The following TSHR variants were observed in gnomAD, a reference collection of about 807,000 sequenced individuals.
TSHR encodes thyroid stimulating hormone receptor, also known as thyrotropin receptor.
Under a neutral mutation model 64.1 loss-of-function variants are expected in TSHR, and 51 were observed. The ratio of observed to expected loss-of-function variants is 0.80; its 90% CI spans 0.64 to 1.01. TSHR has a LOEUF of 1.01. Ranked by LOEUF, TSHR falls within the 50% of genes least tolerant of loss-of-function variation. The pLI, the probability that TSHR is intolerant of heterozygous loss-of-function variation, is 0.00. For synonymous variants in TSHR, 361 were observed against 361.9 expected, an observed-to-expected ratio of 1.00 and a Z score of 0.03; for missense variants, 877 against 942.8, an observed-to-expected ratio of 0.93 and a Z score of 0.91.
At chr14:80,982,286 C>T (rs1401831199) in intron 1 of TSHR, 2 of 857,966 alleles carry the variant, frequency 2.3e-6, no homozygotes, top group South Asian at 2.0e-5. Flanking sequence ...ACCAGCTCCA[C>T]ATGTAAAAAT....
At chr14:81,076,503 T>C (rs143216676) in intron 3 of TSHR, among the ~76,000 whole-genome samples, 60 of 152,280 alleles carry the variant, frequency 3.9e-4, no homozygotes, top group African/African-American at 1.4e-3. Context: ...ACGTTTTATA[T>C]CCAAAACTGA....
intron 8 of TSHR, among the ~76,000 whole-genome samples, chr14:81,113,690 T>C (rs1222308896): frequency 6.7e-6 from 1 of 150,364 alleles, no homozygotes; most frequent in Non-Finnish European, 1.5e-5. Flanking sequence ...AAATGATGAA[T>C]GTCTTCAAAA....
intron 8 of TSHR, among the ~76,000 whole-genome samples, chr14:81,125,719 T>C (rs2140074895): frequency 6.6e-6 from 1 of 152,208 alleles, no homozygotes; most frequent in South Asian, 2.1e-4. Context: ...GCTTGCATGC[T>C]AGGCTGCCCT....
chr14:80,967,207 T>C (rs1887364551), intron 1 of TSHR, among the ~76,000 whole-genome samples: 1 of 146,346 alleles, frequency 6.8e-6, no homozygotes, highest in African/African-American at 2.5e-5. Flanking sequence ...TATATATATA[T>C]GCTTATTTTT....
chr14:81,020,298 T>G (rs962112408), intron 1 of TSHR, among the ~76,000 whole-genome samples: 1 of 152,202 alleles, frequency 6.6e-6, no homozygotes, highest in Admixed American at 6.5e-5. Context: ...CCTGGGGCCA[T>G]GAACCAGTAC....
At chr14:81,131,135 T>C (rs1251550340) in intron 8 of TSHR, among the ~76,000 whole-genome samples, 1 of 151,952 alleles carries the variant, frequency 6.6e-6, no homozygotes, top group Non-Finnish European at 1.5e-5. Flanking sequence ...GCCTTCCCCA[T>C]CTCAGGAAAT....
intron 1 of TSHR, among the ~76,000 whole-genome samples, chr14:80,962,690 A>T (rs1887096651): frequency 6.6e-6 from 1 of 152,236 alleles, no homozygotes; most frequent in Non-Finnish European, 1.5e-5. Flanking sequence ...CACCAACTAG[A>T]CATATTTATA....
Position 80,970,340 on chromosome 14 carries a change from T to G in TSHR, c.170+14490T>G, listed in dbSNP as rs1457535968. ...CTCACCTTATTTTATGTAGTAGAACTGGCAATACCCAATTCACAATGGGCA... is the reference window on the plus strand; with the variant it reads ...CTCACCTTATTTTATGTAGTAGAACGGGCAATACCCAATTCACAATGGGCA... On this transcript the variant is annotated intron_variant, in intron 1 of 9. Transcript: ENST00000298171. 2.6e-5 allele frequency among the ~76,000 whole-genome samples: 4 copies of G among 152,254 alleles called. No homozygotes were observed. In the East Asian group the frequency reaches 7.7e-4, roughly 29 times the overall value.
At chr14:81,022,055 G>A (rs1883783904) in intron 1 of TSHR, among the ~76,000 whole-genome samples, 1 of 140,412 alleles carries the variant, frequency 7.1e-6, no homozygotes, top group African/African-American at 2.7e-5. Flanking sequence ...GAGGTCAGGA[G>A]ATCAAAACCA....
intron 1 of TSHR, among the ~76,000 whole-genome samples, chr14:80,988,158 A>C (rs1566750814): frequency 6.6e-6 from 1 of 152,204 alleles, no homozygotes; most frequent in Non-Finnish European, 1.5e-5. Flanking sequence ...TTGGGTAAAA[A>C]TTTAAACAAT....
intron 1 of TSHR, among the ~76,000 whole-genome samples, chr14:80,987,878 T>C (rs1380024474): frequency 6.6e-6 from 1 of 152,212 alleles, no homozygotes; most frequent in Non-Finnish European, 1.5e-5. Context: ...ATGAAAATAT[T>C]GCCCTTCCCT....
intron 8 of TSHR, among the ~76,000 whole-genome samples, chr14:81,125,548 A>G (rs1423796632): frequency 1.3e-5 from 2 of 152,096 alleles, no homozygotes; most frequent in African/African-American, 4.8e-5. Context: ...CCTCCTGGCA[A>G]TTTGACAGGG....
chr14:80,982,584 T>A, intron 1 of TSHR: 1 of 988,544 alleles, frequency 1.0e-6, no homozygotes. Flanking sequence ...TAGTTAGATC[T>A]CAGCCTGTGG....
chr14:81,110,082 G>A (rs7160596), intron 8 of TSHR, among the ~76,000 whole-genome samples: 96,694 of 152,068 alleles, frequency 0.64, 31,132 homozygotes, highest in South Asian at 0.73. Flanking sequence ...CACATATTAT[G>A]CGATTTTCCT....
chr14:81,054,230 T>C (rs1885612753), intron 1 of TSHR, among the ~76,000 whole-genome samples: 1 of 152,238 alleles, frequency 6.6e-6, no homozygotes, highest in African/African-American at 2.4e-5. Context: ...CTTTGCCTGC[T>C]GCCATCCATG....
At chr14:81,057,547 T>C (rs1885908429) in intron 1 of TSHR, among the ~76,000 whole-genome samples, 1 of 152,246 alleles carries the variant, frequency 6.6e-6, no homozygotes, top group Admixed American at 6.5e-5. Flanking sequence ...AAAATATGGA[T>C]TATTTTTACC....
At chr14:81,090,256 T>C (rs990587283) in intron 4 of TSHR, among the ~76,000 whole-genome samples, 4 of 152,132 alleles carry the variant, frequency 2.6e-5, no homozygotes, top group Non-Finnish European at 4.4e-5. Flanking sequence ...GGACACTGTC[T>C]TTTTTTGAGA....
At chr14:81,113,142 T>C (rs999928480) in intron 8 of TSHR, among the ~76,000 whole-genome samples, 1 of 152,188 alleles carries the variant, frequency 6.6e-6, no homozygotes, top group Non-Finnish European at 1.5e-5. Flanking sequence ...CTTAGGAATA[T>C]GCCAAAATAA....
At chr14:81,012,426 C>T (rs1171544242) in intron 1 of TSHR, 5 of 151,818 alleles carry the variant, frequency 3.3e-5, no homozygotes, top group African/African-American at 9.7e-5. Context: ...TTTATAGCAG[C>T]GTGATTTATA....
Sources: gnomAD v4.1 joint callset for allele counts (sites outside exome capture counted in the v4.1 genomes callset) on GRCh38, gnomAD v4.1.1 for gene constraint, MANE v1.5 for transcripts, NCBI Gene and HGNC (gene_info 2026-07-23, HGNC 2026-07-21) for gene names.